The following LAMTOR5 variants were observed in gnomAD, a reference collection of about 807,000 sequenced individuals.
The protein encoded by LAMTOR5 is ragulator complex protein LAMTOR5.
Under a neutral mutation model 12.1 loss-of-function variants are expected in LAMTOR5, and 8 were observed. The observed-to-expected ratio is 0.66, with a 90% CI of 0.39 to 1.19. LAMTOR5 has a LOEUF of 1.19. LAMTOR5 is among the 50% of genes most tolerant of loss of function. The pLI is 0.01. For synonymous variants in LAMTOR5, 37 were observed against 41.9 expected, an observed-to-expected ratio of 0.88 and a Z score of 0.45; for missense variants, 110 against 112.8, an observed-to-expected ratio of 0.97 and a Z score of 0.11.
At position 110,401,551 on chromosome 1, in the gene LAMTOR5, G is replaced by A. The variant is rs200317420; in HGVS notation, c.248C>T (p.Thr83Met). The change falls in exon 4 of 4, where the codon ACG (threonine) becomes ATG (methionine). Residue 83 changes from threonine (T) to methionine (M), a missense_variant. By Grantham distance (81) the Thr-to-Met change is moderately conservative (BLOSUM62 -1). Coordinates refer to ENST00000602318, the MANE Select transcript of LAMTOR5 (RefSeq NM_001382293.1). ...AGAGGCCATTTTGTGCACTGCCACC[G>A]TGATGCCATCGTGTTTCTGGATCAT... ...NIMIQKHDGITVAVHKMAS is the reference protein window; with the variant it reads ...NIMIQKHDGIMVAVHKMAS 5.8e-5 allele frequency: 93 copies of A among 1,607,750 alleles called. No homozygotes were observed. The highest frequency in any genetic ancestry group is 7.1e-5 in the Non-Finnish European group (84 of 1,174,894).
chr1:110,404,159 T>C, intron 2 of LAMTOR5, 123 bp from the exon 3 acceptor site: 1 of 1,361,326 alleles, frequency 7.3e-7, no homozygotes, highest in South Asian at 1.6e-5. Flanking sequence ...TATTAGTCTG[T>C]ATATATTATA....
In LAMTOR5 at chr1:110,401,413, T is replaced by G. The variant is rs1557923156; in HGVS notation, c.*110A>C. On this transcript the variant is annotated 3_prime_UTR_variant, in exon 4 of 4. Coordinates refer to ENST00000602318, the MANE Select transcript of LAMTOR5 (RefSeq NM_001382293.1). ...CTTAAATAAACAGAAAAGTGCCTAATGCACATTAAATGAATGGCCTAACTA... is the reference window on the plus strand; with the variant it reads ...CTTAAATAAACAGAAAAGTGCCTAAGGCACATTAAATGAATGGCCTAACTA... The G allele has an allele frequency of 5.1e-6, 6 of 1,175,198 alleles. No homozygotes were observed. The South Asian group carries it at 6.3e-5, about 12-fold the overall frequency. 72.8% of individuals were successfully genotyped at this position (1,175,198 alleles called of 1,614,324 possible).
chr1:110,407,540 C>T, intron 1 of LAMTOR5, 46 bp downstream of exon 1: 1 of 1,592,990 alleles, frequency 6.3e-7, no homozygotes, highest in East Asian at 2.3e-5. Context: ...GCTCAAGTTC[C>T]TCCGCCGCGA....
At chr1:110,406,463 T>A in intron 1 of LAMTOR5, 84 bp from the exon 2 acceptor site, 1 of 856,702 alleles carries the variant, frequency 1.2e-6, no homozygotes, top group Non-Finnish European at 1.9e-6. Flanking sequence ...GTGTTCTATG[T>A]ACCAGGCATT....
upstream of LAMTOR5, chr1:110,407,771 A>T (rs770252259): frequency 1.2e-6 from 2 of 1,613,986 alleles, no homozygotes; most frequent in African/African-American, 2.7e-5. Context: ...CGCGTTCTTT[A>T]CTGGAAAACA....
chr1:110,407,183 C>CTGATAGGTTACACACAGGAGATA, intron 1 of LAMTOR5: 1 of 595,276 alleles, frequency 1.7e-6, no homozygotes, highest in South Asian at 2.1e-5. Context: ...CACCAAGTAA[C>CTGATAGGTTACACACAGGAGATA]TGATAGGTTA....
intron 2 of LAMTOR5, 123 bp downstream of exon 2, chr1:110,406,195 C>A: frequency 3.6e-6 from 2 of 553,880 alleles, no homozygotes; most frequent in Admixed American, 3.7e-5. Flanking sequence ...TCTCTACTCT[C>A]AAACTCAGAA....
chr1:110,403,011 T>C (rs1407145554), intron 3 of LAMTOR5, among the ~76,000 whole-genome samples: 1 of 152,204 alleles, frequency 6.6e-6, no homozygotes, highest in Non-Finnish European at 1.5e-5. Context: ...TACGTTTAGA[T>C]ACATAAATAC....
chr1:110,404,996 C>T (rs1663299478), intron 2 of LAMTOR5, among the ~76,000 whole-genome samples: 1 of 143,424 alleles, frequency 7.0e-6, no homozygotes, highest in Non-Finnish European at 1.5e-5. Context: ...TGCAGTGAGC[C>T]AAGATCGTGC....
At chr1:110,404,812 C>T (rs984354979) in intron 2 of LAMTOR5, among the ~76,000 whole-genome samples, 6 of 152,056 alleles carry the variant, frequency 3.9e-5, no homozygotes, top group Non-Finnish European at 8.8e-5. Flanking sequence ...CTTTGGGAGG[C>T]GGAGGTGGGT....
In LAMTOR5 at chr1:110,403,934, A is replaced by G. The variant is rs1663275780; in HGVS notation, c.200T>C (p.Leu67Pro). The G allele has an allele frequency of 6.2e-7, 1 of 1,614,118 alleles. No homozygotes were observed. Among genetic ancestry groups the G allele is most frequent in the Admixed American group, 1.7e-5 (1 of 59,996 alleles). ...ATCTACTCACCCATTATCTGATTCT[A>G]GACACACCACAGGAATATCAGTGGG... ...SDPTDIPVVC[L>P]ESDNGNIMIQ... The change falls in exon 3 of 4, where the codon CTA becomes CCA. Residue 67 changes from leucine (L) to proline (P), a missense_variant. Leu to Pro is a moderately conservative substitution (Grantham distance 98). Coordinates refer to ENST00000602318, the MANE Select transcript of LAMTOR5 (RefSeq NM_001382293.1).
chr1:110,401,719 A>C, intron 3 of LAMTOR5, 136 bp from the exon 4 acceptor site: 1 of 917,034 alleles, frequency 1.1e-6, no homozygotes, highest in Non-Finnish European at 1.6e-6. Context: ...ATATTTAAAC[A>C]TAACAAAACA....
chr1:110,402,697 A>T (rs1454160428), intron 3 of LAMTOR5, among the ~76,000 whole-genome samples: 1 of 152,164 alleles, frequency 6.6e-6, no homozygotes, highest in African/African-American at 2.4e-5. Flanking sequence ...GCCCTGGATG[A>T]CCTTCCAGTG....
chr1:110,404,128 T>C, intron 2 of LAMTOR5, 92 bp from the exon 3 acceptor site: 1 of 1,538,052 alleles, frequency 6.5e-7, no homozygotes, highest in Non-Finnish European at 8.7e-7. Flanking sequence ...GTCTACAGAA[T>C]TGTCTTTTTA....
At chr1:110,403,618 G>GAAA in intron 3 of LAMTOR5, 3 of 187,474 alleles carry the variant, frequency 1.6e-5, no homozygotes, top group South Asian at 8.2e-5. Flanking sequence ...GCCTCAAAAA[G>GAAA]AAAAAAAAAA....
upstream of LAMTOR5, chr1:110,407,762 G>T: frequency 1.2e-6 from 2 of 1,614,150 alleles, no homozygotes; most frequent in East Asian, 2.2e-5. Flanking sequence ...TGCAACGTCC[G>T]CGTTCTTTAC....
intron 1 of LAMTOR5, 87 bp downstream of exon 1, chr1:110,407,499 G>A: frequency 1.3e-6 from 2 of 1,497,416 alleles, no homozygotes; most frequent in East Asian, 4.8e-5. Context: ...AGACGCCCTG[G>A]CCGGTACTCG....
rs1663224847 is a variant in LAMTOR5 at position 110,401,347 on chromosome 1, T to C, written c.*176A>G. On this transcript the variant is annotated 3_prime_UTR_variant, in exon 4 of 4. Coordinates refer to ENST00000602318, the MANE Select transcript of LAMTOR5 (RefSeq NM_001382293.1). Reference sequence around the variant, plus strand: ...AAAACATGATCCTTTCTTACTAATATCTTGATAGTCGGTCCATAGAGCATT... The same window carrying C: ...AAAACATGATCCTTTCTTACTAATACCTTGATAGTCGGTCCATAGAGCATT... The C allele has an allele frequency of 4.0e-6, 2 of 502,440 alleles. No individual in the cohort carries two copies. The highest frequency in any genetic ancestry group is 5.2e-5 in the South Asian group (1 of 19,196). The allele number at this position is 502,440 out of a possible 1,614,324, so 31.1% of individuals were successfully genotyped here.
At chr1:110,406,791 T>G (rs1392008297) in intron 1 of LAMTOR5, 1 of 400,050 alleles carries the variant, frequency 2.5e-6, no homozygotes, top group African/African-American at 2.1e-5. Flanking sequence ...GCCATTGCAC[T>G]CCAGCCTGGA....
Sources: allele counts gnomAD v4.1 joint callset (sites outside exome capture counted in the v4.1 genomes callset), GRCh38; gene constraint gnomAD v4.1.1; transcripts MANE v1.5; gene names NCBI Gene and HGNC (gene_info 2026-07-23, HGNC 2026-07-21).